RPL3: variants seen among roughly 807,000 people sequenced by gnomAD.
RPL3 encodes the protein large ribosomal subunit protein uL3.
Under a neutral mutation model 46.0 loss-of-function variants are expected in RPL3, and 3 were observed. The ratio of observed to expected loss-of-function variants is 0.07; its 90% CI spans 0.03 to 0.17. The LOEUF (loss-of-function observed/expected upper bound fraction) is 0.17. Ranked by LOEUF, RPL3 falls within the 10% of genes least tolerant of loss-of-function variation. RPL3 has a pLI of 1.00. For synonymous variants in RPL3, 224 were observed against 190.8 expected (o/e 1.17, Z -1.43); for missense variants, 387 against 532.7 (o/e 0.73, Z 2.69).
At chr22:39,319,305 G>C (rs764210731) in intron 1 of RPL3, 2 of 566,460 alleles carry the variant, frequency 3.5e-6, no homozygotes, top group Non-Finnish European at 6.4e-6. Context: ...GAATTGGTGA[G>C]GTCGAAACTT....
chr22:39,318,196 A>C (rs995692026), intron 2 of RPL3: 3 of 577,238 alleles, frequency 5.2e-6, no homozygotes, highest in Non-Finnish European at 8.9e-6. Context: ...ACCGCACCTA[A>C]AGCAAACAGT....
In RPL3 at chr22:39,314,181, T is replaced by C. The variant is rs777996527; in HGVS notation, c.877A>G (p.Ile293Val). 6.2e-7 allele frequency: 1 copy of C among 1,613,908 alleles called. No homozygotes were observed. The highest frequency in any genetic ancestry group is 1.1e-5 in the South Asian group (1 of 91,070). Residue 293 changes from isoleucine to valine, a missense_variant, in exon 7 of 10, where the codon ATC (isoleucine) becomes GTC (valine). Around this residue, in one of 5 missense-constraint regions of RPL3, gnomAD observed 131 missense variants for 185.1 expected, o/e 0.71. Coordinates refer to ENST00000216146, the MANE Select transcript of RPL3 (RefSeq NM_000967.4). ...TTCTTGATCAGCTTGCCGTCCTTGATAAGGTAGCCCTGGCCAATCTTATAA... is the reference window on the plus strand; with the variant it reads ...TTCTTGATCAGCTTGCCGTCCTTGACAAGGTAGCCCTGGCCAATCTTATAA... Reference protein sequence around the residue: ...KIYKIGQGYLIKDGKLIKNNA... With the variant: ...KIYKIGQGYLVKDGKLIKNNA...
At chr22:39,318,899 T>C (rs781548773) in intron 1 of RPL3, 7 of 464,902 alleles carry the variant, frequency 1.5e-5, no homozygotes, top group Non-Finnish European at 2.6e-5. Context: ...ACAGGCAGCT[T>C]TATATGCCAA....
intron 1 of RPL3, chr22:39,318,884 G>A: frequency 4.5e-6 from 2 of 448,428 alleles, no homozygotes; most frequent in East Asian, 1.0e-4. Context: ...ACTAAAAACT[G>A]CTTAACAGGC....
At chr22:39,317,111 C>A in intron 3 of RPL3, 1 of 604,928 alleles carries the variant, frequency 1.7e-6, no homozygotes, top group Non-Finnish European at 3.0e-6. Flanking sequence ...TGGGGAAGCC[C>A]ACTCAGTGAT....
At chr22:39,313,048 G>C in intron 9 of RPL3, 64 bp from the exon 10 acceptor site, 1 of 1,611,398 alleles carries the variant, frequency 6.2e-7, no homozygotes, top group Non-Finnish European at 8.5e-7. Context: ...GCCCACTCTA[G>C]AGGAGACCAA....
At chr22:39,315,937 G>T (rs1405611547) in intron 4 of RPL3, among the ~76,000 whole-genome samples, 2 of 152,176 alleles carry the variant, frequency 1.3e-5, no homozygotes, top group African/African-American at 4.8e-5. Context: ...GAGAGCACAA[G>T]CTCTAAGTAA....
chr22:39,319,174 T>G (rs940492742), intron 1 of RPL3: 7 of 543,830 alleles, frequency 1.3e-5, no homozygotes, highest in Non-Finnish European at 2.2e-5. Flanking sequence ...TCAGGAGGAC[T>G]CCACAACACT....
At chr22:39,317,865 T>C in intron 2 of RPL3, 1 of 519,802 alleles carries the variant, frequency 1.9e-6, no homozygotes, top group Non-Finnish European at 3.4e-6. Context: ...TTCAATTCTC[T>C]TCTACAGAAA....
intron 3 of RPL3, 142 bp from the exon 4 acceptor site, chr22:39,316,983 G>A (rs756931411): frequency 1.2e-5 from 15 of 1,288,960 alleles, no homozygotes; most frequent in African/African-American, 4.4e-5. Context: ...ACCAGCAAGC[G>A]GAGCCTGGAT....
intron 1 of RPL3, 46 bp downstream of exon 1, chr22:39,319,549 G>T (rs369267197): frequency 6.4e-7 from 1 of 1,558,790 alleles, no homozygotes; most frequent in Non-Finnish European, 8.7e-7. Flanking sequence ...GGATTCAGCC[G>T]TGCCGACGCC....
In RPL3 at chr22:39,313,248, G is replaced by A. The variant is rs770639891; in HGVS notation, c.1110C>T (p.Thr370=). 28 of 1,611,592 alleles carry A rather than the reference G, an allele frequency of 1.7e-5. No individual in the cohort carries two copies. Among genetic ancestry groups the A allele is most frequent in the Admixed American group, 5.0e-5 (3 of 59,532 alleles). Residue 370 remains threonine, a synonymous_variant, in exon 9 of 10, where the codon ACC becomes ACT. Transcript: ENST00000216146. The part of the protein sequence containing the change: ...LEKIDLKFID[T]TSKFGHGRFQ... ...AGCGGCCATGGCCAAACTTGGAGGT[G>A]GTGTCAATGAACTTAAGGTCAATCT...
chr22:39,314,083 CAG>C, intron 7 of RPL3, 22 bp downstream of exon 7: 2 of 1,600,654 alleles, frequency 1.2e-6, no homozygotes, highest in South Asian at 2.2e-5. Context: ...GATGGCCTCA[CAG>C]AGCAGAACAC....
chr22:39,314,629 C>A, intron 6 of RPL3, 57 bp downstream of exon 6: 1 of 1,551,646 alleles, frequency 6.4e-7, no homozygotes, highest in Non-Finnish European at 8.7e-7. Context: ...ACAGAAACCC[C>A]ACTCCCCATC....
rs569170255 is a variant in RPL3 at position 39,315,613 on chromosome 22, G to T, written c.502-58C>A. On this transcript the variant is annotated intron_variant, in intron 4 of 9. Transcript: ENST00000216146. ...TGCCAGCGCTCCTCCCACAGCAGAGGAACTGCAGCTCCATGCGGCCTGATT... is the reference window on the plus strand; with the variant it reads ...TGCCAGCGCTCCTCCCACAGCAGAGTAACTGCAGCTCCATGCGGCCTGATT... 3.1e-6 allele frequency: 5 copies of T among 1,594,490 alleles called. No homozygotes were observed. In the South Asian group the frequency reaches 4.4e-5, roughly 14 times the overall value.
intron 1 of RPL3, chr22:39,319,125 C>T (rs769063820): frequency 5.5e-6 from 3 of 540,818 alleles, no homozygotes; most frequent in South Asian, 4.2e-5. Flanking sequence ...TTTCTGCGAG[C>T]TCCAGAGGCC....
intron 7 of RPL3, 152 bp downstream of exon 7, chr22:39,313,955 G>A (rs749844422): frequency 2.4e-6 from 2 of 839,238 alleles, no homozygotes; most frequent in South Asian, 2.7e-5. Flanking sequence ...CCGACGAGTG[G>A]ACTCAGATGA....
intron 8 of RPL3, 103 bp downstream of exon 8, chr22:39,313,530 AC>A: frequency 1.6e-6 from 2 of 1,278,252 alleles, no homozygotes; most frequent in Non-Finnish European, 2.2e-6. Flanking sequence ...GACTGCCAAC[AC>A]CCTCTCCTTC....
intron 4 of RPL3, among the ~76,000 whole-genome samples, chr22:39,316,069 G>A (rs1044292547): frequency 5.9e-5 from 9 of 152,122 alleles, no homozygotes; most frequent in Non-Finnish European, 1.0e-4. Context: ...GAGAAACCCC[G>A]TCTCTACTAA....
Sources: allele counts gnomAD v4.1 joint callset (sites outside exome capture counted in the v4.1 genomes callset), GRCh38; gene constraint gnomAD v4.1.1; regional missense constraint gnomAD v4.1.1; transcripts MANE v1.5; gene names NCBI Gene and HGNC (gene_info 2026-07-23, HGNC 2026-07-21).